Variants in SNX29 observed in about 807,000 individuals in gnomAD.
SNX29 encodes sorting nexin 29, also known as sorting nexin-29.
In SNX29, 78 loss-of-function variants were observed where a neutral mutation model predicts 102.1. The observed-to-expected ratio is 0.76, with a 90% CI of 0.64 to 0.92. The LOEUF (loss-of-function observed/expected upper bound fraction) is 0.92, where lower values mean the gene tolerates loss of function less well. Ranked by LOEUF, SNX29 falls within the 40% of genes least tolerant of loss-of-function variation. SNX29 has a pLI of 0.00. For missense variants in SNX29, 1,280 were observed against 1,061.7 expected, an observed-to-expected ratio of 1.21 and a Z score of -2.86; for synonymous variants, 580 against 414.5, an observed-to-expected ratio of 1.40 and a Z score of -4.85.
At chr16:12,052,910 G>C (rs2050365219) in intron 8 of SNX29, 1 of 153,892 alleles carries the variant, frequency 6.5e-6, no homozygotes, top group Non-Finnish European at 1.4e-5. Flanking sequence ...GACGAAGGCA[G>C]CGTTAGGAGA....
At chr16:12,200,510 C>T (rs970921274) in intron 14 of SNX29, among the ~76,000 whole-genome samples, 1 of 151,314 alleles carries the variant, frequency 6.6e-6, no homozygotes, top group Non-Finnish European at 1.5e-5. Context: ...TGAGACAGAG[C>T]CTCACTCTAC....
chr16:12,289,574 C>G (rs1368294056), intron 15 of SNX29, among the ~76,000 whole-genome samples: 1 of 152,198 alleles, frequency 6.6e-6, no homozygotes, highest in Non-Finnish European at 1.5e-5. Flanking sequence ...GCTTCCATTT[C>G]TGCTGAAGCC....
At chr16:12,494,198 T>G (rs907409121) in intron 19 of SNX29, among the ~76,000 whole-genome samples, 2 of 152,230 alleles carry the variant, frequency 1.3e-5, no homozygotes, top group Non-Finnish European at 2.9e-5. Flanking sequence ...AACAGCGAAC[T>G]CTTGCTGTCC....
intron 1 of SNX29, among the ~76,000 whole-genome samples, chr16:11,986,492 C>T (rs181906990): frequency 1.4e-4 from 21 of 152,186 alleles, no homozygotes; most frequent in East Asian, 3.9e-4. Flanking sequence ...AGGTATTCCT[C>T]TTCTGCCTTT....
At chr16:12,310,061 T>G (rs987979298) in intron 15 of SNX29, among the ~76,000 whole-genome samples, 2 of 151,944 alleles carry the variant, frequency 1.3e-5, no homozygotes, top group African/African-American at 4.8e-5. Flanking sequence ...CACACACGCA[T>G]GCACGCACAT....
At chr16:12,372,709 C>G (rs74008999) in intron 16 of SNX29, 1 of 152,090 alleles carries the variant, frequency 6.6e-6, no homozygotes, top group Non-Finnish European at 1.5e-5. Context: ...AAAGAGGAGA[C>G]GTTTGACTTG....
At chr16:12,477,585 A>C in intron 18 of SNX29, 134 bp from the exon 19 acceptor site, 1 of 1,014,030 alleles carries the variant, frequency 9.9e-7, no homozygotes, top group Non-Finnish European at 1.5e-6. Context: ...CTATGCCAGG[A>C]ACTGGGCATC....
chr16:12,227,670 C>G (rs1049747947), intron 14 of SNX29, among the ~76,000 whole-genome samples: 36 of 151,964 alleles, frequency 2.4e-4, no homozygotes, highest in Non-Finnish European at 5.1e-4. Context: ...CGGGCTGAGA[C>G]AGGCAGATCA....
chr16:12,168,754 T>C (rs999266674), intron 13 of SNX29, among the ~76,000 whole-genome samples: 4 of 152,242 alleles, frequency 2.6e-5, no homozygotes, highest in Admixed American at 2.6e-4. Flanking sequence ...TGAGTTATTA[T>C]TAGATCGTTA....
Position 12,403,431 on chromosome 16 carries a change from C to T in SNX29, c.1956-17C>T, listed in dbSNP as rs893659716. 2 of 1,595,182 alleles carry T rather than the reference C, an allele frequency of 1.3e-6. No homozygotes were observed. Among genetic ancestry groups the T allele is most frequent in the Non-Finnish European group, 1.7e-6 (2 of 1,169,662 alleles). ...TAAAATGTCTAATGTTGGTCTCTCT[C>T]TCTTCCTTTTGGTTAGATCAAACCG... On this transcript the variant is annotated splice_polypyrimidine_tract_variant and intron_variant, in intron 17 of 20. Coordinates refer to ENST00000566228, the MANE Select transcript of SNX29 (RefSeq NM_032167.5).
intron 18 of SNX29, among the ~76,000 whole-genome samples, chr16:12,422,873 C>A (rs2151593932): frequency 6.6e-6 from 1 of 152,304 alleles, no homozygotes; most frequent in East Asian, 1.9e-4. Context: ...CAGGATGAGG[C>A]TGCTGGTGGT....
At chr16:12,006,949 A>G (rs543435644) in intron 3 of SNX29, among the ~76,000 whole-genome samples, 1 of 152,300 alleles carries the variant, frequency 6.6e-6, no homozygotes, top group South Asian at 2.1e-4. Flanking sequence ...GAGAAAACAG[A>G]TTCAGAGAGG....
intron 18 of SNX29, among the ~76,000 whole-genome samples, chr16:12,471,565 G>A (rs1210769389): frequency 6.6e-6 from 1 of 152,146 alleles, no homozygotes; most frequent in Non-Finnish European, 1.5e-5. Context: ...GATGTGTCAG[G>A]TCCACGTGGA....
intron 20 of SNX29, among the ~76,000 whole-genome samples, chr16:12,555,223 C>T (rs1050097938): frequency 1.3e-5 from 2 of 151,554 alleles, no homozygotes; most frequent in Non-Finnish European, 1.5e-5. Context: ...CTGCTGGGTA[C>T]AGGGAGAAAT....
intron 15 of SNX29, among the ~76,000 whole-genome samples, chr16:12,333,998 G>A (rs1019112826): frequency 6.6e-6 from 1 of 152,170 alleles, no homozygotes; most frequent in African/African-American, 2.4e-5. Flanking sequence ...CCCTGTGGCT[G>A]ATGGGTGTGT....
At chr16:12,481,405 C>A (rs917412906) in intron 19 of SNX29, among the ~76,000 whole-genome samples, 3 of 151,570 alleles carry the variant, frequency 2.0e-5, no homozygotes, top group Admixed American at 6.6e-5. Context: ...TACACACACA[C>A]ACACACATAT....
chr16:12,156,090 G>A (rs567247853), intron 13 of SNX29, among the ~76,000 whole-genome samples: 1 of 152,082 alleles, frequency 6.6e-6, no homozygotes, highest in African/African-American at 2.4e-5. Flanking sequence ...ACATCTCCTT[G>A]AAGCCTTGGC....
chr16:12,513,168 CCCTCCCTCCCATACCTTT>C (rs1226168357), intron 19 of SNX29, among the ~76,000 whole-genome samples: 1 of 151,246 alleles, frequency 6.6e-6, no homozygotes, highest in African/African-American at 2.4e-5. Flanking sequence ...AACTCCTCTC[CCCTCCCTCCCATACCTTT>C]CCTCCCTCTC....
chr16:12,427,334 T>C (rs113691901), intron 18 of SNX29, among the ~76,000 whole-genome samples: 1,743 of 152,276 alleles, frequency 0.011, 35 homozygotes, highest in African/African-American at 0.04. Context: ...TTTTTAAATG[T>C]TGGCAACCAA....
Sources: gnomAD v4.1 joint callset for allele counts (sites outside exome capture counted in the v4.1 genomes callset) on GRCh38, gnomAD v4.1.1 for gene constraint, MANE v1.5 for transcripts, NCBI Gene and HGNC (gene_info 2026-07-23, HGNC 2026-07-21) for gene names.